Variants in MCF2L observed in about 807,000 individuals in gnomAD.
The protein encoded by MCF2L is MCF.2 cell line derived transforming sequence like.
A neutral mutation model predicts 153.4 loss-of-function variants in MCF2L; 97 were observed. The observed-to-expected ratio is 0.63, with a 90% CI of 0.54 to 0.75. The LOEUF is 0.75. MCF2L is among the 30% of genes least tolerant of loss of function. The probability of loss-of-function intolerance (pLI) is 0.00; values close to 1 mark genes in which losing one functional copy is unlikely to be tolerated. For synonymous variants in MCF2L, 659 were observed against 632.2 expected, an observed-to-expected ratio of 1.04 and a Z score of -0.64; for missense variants, 1,347 against 1,495.2, an observed-to-expected ratio of 0.90 and a Z score of 1.64.
Position 112,969,499 on chromosome 13 carries a change from T to C in MCF2L, c.79+41T>C, listed in dbSNP as rs1465656944. On this transcript the variant is annotated intron_variant, in intron 1 of 29. Coordinates refer to ENST00000535094, the MANE Select transcript of MCF2L (RefSeq NM_001112732.3). The surrounding 1 kb of genome is among the most constrained non-coding windows in gnomAD (Gnocchi z 4.8). Reference sequence around the variant, plus strand: ...GGCCGTCAGTGATCTGTGCTTAAGCTTGACATCATGGGCTGAAATGTGGGG... The same window carrying C: ...GGCCGTCAGTGATCTGTGCTTAAGCCTGACATCATGGGCTGAAATGTGGGG... 3.2e-6 allele frequency: 5 copies of C among 1,549,114 alleles called. No individual in the cohort carries two copies. The South Asian group carries it at 3.6e-5, about 11-fold the overall frequency.
chr13:112,971,728 A>G (rs1470639820), intron 1 of MCF2L, among the ~76,000 whole-genome samples: 2 of 152,140 alleles, frequency 1.3e-5, no homozygotes, highest in Non-Finnish European at 2.9e-5. Flanking sequence ...TTGACATTTT[A>G]TATACTTTTC....
chr13:113,065,156 T>A, intron 7 of MCF2L, 71 bp downstream of exon 7: 2 of 1,525,576 alleles, frequency 1.3e-6, no homozygotes, highest in Non-Finnish European at 1.8e-6. Context: ...GGGGCTCCGG[T>A]CGGAAGCTGC....
chr13:113,011,817 ACGG>A (rs1267357921), intron 1 of MCF2L, among the ~76,000 whole-genome samples: 2 of 99,126 alleles, frequency 2.0e-5, no homozygotes, highest in African/African-American at 8.3e-5. Context: ...GGCGGTGTGG[ACGG>A]TGGACACTGT....
At chr13:112,968,724 G>T, upstream of MCF2L, 1 of 1,391,936 alleles carries the variant, frequency 7.2e-7, no homozygotes, top group Non-Finnish European at 9.3e-7. Flanking sequence ...GGTAAAGGGA[G>T]GCGGCGGCCA....
chr13:113,075,951 GCT>G lies in MCF2L; in HGVS notation c.1309-12_1309-11del. 6.3e-7 allele frequency: 1 copy of G among 1,591,730 alleles called. No homozygotes were observed. The highest frequency in any genetic ancestry group is 1.1e-5 in the South Asian group (1 of 88,700). ...CTCACGGCGTCCTGCCCTCGGCAATGCTCTGTGTTTCCAGTCCATGAAGTGGT... is the reference window on the plus strand; with the variant it reads ...CTCACGGCGTCCTGCCCTCGGCAATGCTGTGTTTCCAGTCCATGAAGTGGT... On this transcript the variant is annotated splice_polypyrimidine_tract_variant and intron_variant, in intron 11 of 29. Coordinates refer to ENST00000535094, the MANE Select transcript of MCF2L (RefSeq NM_001112732.3).
In MCF2L at chr13:113,075,201, C is replaced by T. The variant is rs374385992; in HGVS notation, c.1308+12C>T. ...GCCGCCTGGAGACGGTAGGCCGAGC[C>T]GGACCCCACCCCACTCCCCCCCAGC... On this transcript the variant is annotated intron_variant, in intron 11 of 29. Coordinates refer to ENST00000535094, the MANE Select transcript of MCF2L (RefSeq NM_001112732.3). 4.4e-6 allele frequency: 7 copies of T among 1,577,540 alleles called. No homozygotes were observed. Among genetic ancestry groups the T allele is most frequent in the African/African-American group, 2.7e-5 (2 of 74,326 alleles).
chr13:113,000,743 C>G (rs979811826), intron 1 of MCF2L, among the ~76,000 whole-genome samples: 11 of 152,218 alleles, frequency 7.2e-5, no homozygotes, highest in African/African-American at 2.7e-4. Flanking sequence ...GCCTGGAGGG[C>G]TGGCTGTGCT....
intron 2 of MCF2L, among the ~76,000 whole-genome samples, chr13:112,936,234 C>T (rs12871311): frequency 2.2e-5 from 3 of 136,596 alleles, no homozygotes; most frequent in South Asian, 2.5e-4. Context: ...GAGCCAAGAT[C>T]GTGCCACTGC....
rs186206201 is a variant in MCF2L, at chr13:112,977,739, G to A, written c.79+8281G>A. On this transcript the variant is annotated intron_variant, in intron 1 of 29. Coordinates refer to ENST00000535094, the MANE Select transcript of MCF2L (RefSeq NM_001112732.3). ...CCCAGAGGCGACCCTGATGGCTCCCGTGCGCACCGCTCACTGCTTCCGTGA... is the reference window on the plus strand; with the variant it reads ...CCCAGAGGCGACCCTGATGGCTCCCATGCGCACCGCTCACTGCTTCCGTGA... 3.0e-3 allele frequency among the ~76,000 whole-genome samples: 454 copies of A among 152,250 alleles called. 3 individuals carry two copies. The highest frequency in any genetic ancestry group is 0.01 in the African/African-American group (429 of 41,558).
chr13:113,090,913 C>T (rs1230192895), intron 26 of MCF2L: 14 of 1,185,064 alleles, frequency 1.2e-5, no homozygotes, highest in Non-Finnish European at 1.5e-5. Flanking sequence ...CCGCAGCCCC[C>T]ACTCCCATGC....
intron 5 of MCF2L, among the ~76,000 whole-genome samples, chr13:113,061,227 C>G (rs2031356870): frequency 6.6e-6 from 1 of 152,124 alleles, no homozygotes; most frequent in South Asian, 2.1e-4. Context: ...CCCATCGCCA[C>G]CACACTATCC....
rs1462437531 is a variant in MCF2L, at chr13:113,028,476, C to A, written c.278+3718C>A. 2.6e-5 allele frequency among the ~76,000 whole-genome samples: 4 copies of A among 152,224 alleles called. No homozygotes were observed. Among genetic ancestry groups the A allele is most frequent in the Non-Finnish European group, 5.9e-5 (4 of 68,036 alleles). ...AGACTCCTGCAGGACAAGACCCACTCAGCCACCTCTGTAGATTGCGCATCT... is the reference window on the plus strand; with the variant it reads ...AGACTCCTGCAGGACAAGACCCACTAAGCCACCTCTGTAGATTGCGCATCT... On this transcript the variant is annotated intron_variant, in intron 3 of 29. Transcript: ENST00000535094. The surrounding 1 kb of genome is among the most constrained non-coding windows in gnomAD (Gnocchi z 5.4).
chr13:113,029,693 G>T (rs917148891), intron 3 of MCF2L, among the ~76,000 whole-genome samples: 18 of 152,218 alleles, frequency 1.2e-4, no homozygotes, highest in African/African-American at 4.3e-4. Context: ...GAGCATTGCG[G>T]CTCGGTCCCG....
At chr13:113,019,380 C>T (rs904548104) in intron 2 of MCF2L, among the ~76,000 whole-genome samples, 3 of 152,184 alleles carry the variant, frequency 2.0e-5, no homozygotes, top group Non-Finnish European at 2.9e-5. Flanking sequence ...CTGGGAGGAC[C>T]GATCCGATCC....
At chr13:112,981,884 G>A (rs567633407) in intron 1 of MCF2L, among the ~76,000 whole-genome samples, 4 of 152,232 alleles carry the variant, frequency 2.6e-5, no homozygotes, top group Admixed American at 6.5e-5. Context: ...GCAGGAGCTC[G>A]GCACCCCGCA....
intron 26 of MCF2L, chr13:113,090,996 G>C: frequency 8.1e-7 from 1 of 1,238,446 alleles, no homozygotes; most frequent in Non-Finnish European, 1.0e-6. Flanking sequence ...CTTTTTCATC[G>C]GTGGAAAGGG....
chr13:112,989,606 A>G (rs542726645), intron 1 of MCF2L, among the ~76,000 whole-genome samples: 1 of 23,032 alleles, frequency 4.3e-5, no homozygotes, highest in African/African-American at 1.1e-4. Flanking sequence ...CTCCCTGAGC[A>G]GGACATGGAG....
intron 2 of MCF2L, among the ~76,000 whole-genome samples, chr13:112,924,884 A>G (rs780684600): frequency 6.6e-6 from 1 of 152,172 alleles, no homozygotes; most frequent in East Asian, 1.9e-4. Context: ...AAGAACAAGG[A>G]CAGGTGAATG....
At chr13:112,944,048 G>T (rs992369142) in intron 2 of MCF2L, among the ~76,000 whole-genome samples, 1 of 146,006 alleles carries the variant, frequency 6.8e-6, no homozygotes, top group Non-Finnish European at 1.5e-5. Context: ...GTGAGGGGAG[G>T]GTCCCTGGCT....
Sources: gnomAD v4.1 joint callset for allele counts (sites outside exome capture counted in the v4.1 genomes callset) on GRCh38, gnomAD v4.1.1 for gene constraint, Gnocchi (gnomAD v3.1) non-coding constraint, MANE v1.5 for transcripts, NCBI Gene and HGNC (gene_info 2026-07-23, HGNC 2026-07-21) for gene names.